ANK2: variants seen among roughly 807,000 people sequenced by gnomAD.
ANK2 encodes the protein ankyrin 2, also known as ankyrin-2.
Under a neutral mutation model 360.5 loss-of-function variants are expected in ANK2, and 83 were observed. The ratio of observed to expected loss-of-function variants is 0.23; its 90% CI spans 0.19 to 0.28. The LOEUF (loss-of-function observed/expected upper bound fraction) is 0.28. ANK2 is among the 10% of genes least tolerant of loss of function. The pLI is 1.00. For missense variants in ANK2, 4,201 were observed against 4,795.7 expected, an observed-to-expected ratio of 0.88 and a Z score of 3.66; for synonymous variants, 1,740 against 1,759.5, an observed-to-expected ratio of 0.99 and a Z score of 0.28.
At chr4:113,260,160 T>C (rs2051955142) in intron 13 of ANK2, among the ~76,000 whole-genome samples, 1 of 152,140 alleles carries the variant, frequency 6.6e-6, no homozygotes, top group Non-Finnish European at 1.5e-5. Context: ...TATAAAATGG[T>C]TGTGGAATTT....
At chr4:113,121,865 C>CT (rs1455827573) in intron 1 of ANK2, among the ~76,000 whole-genome samples, 2 of 151,836 alleles carry the variant, frequency 1.3e-5, no homozygotes, top group East Asian at 3.9e-4. Context: ...GAAATCTCCC[C>CT]CCCCACCACA....
chr4:113,103,444 G>A (rs2093206401), intron 1 of ANK2, among the ~76,000 whole-genome samples: 2 of 152,116 alleles, frequency 1.3e-5, no homozygotes, highest in Non-Finnish European at 2.9e-5. Context: ...TAAGACTGAA[G>A]ATTTCTTTTA....
At chr4:113,259,802 CTTTT>C (rs953864445) in intron 13 of ANK2, among the ~76,000 whole-genome samples, 3 of 144,388 alleles carry the variant, frequency 2.1e-5, no homozygotes, top group Admixed American at 1.4e-4. Flanking sequence ...AGATGACTAC[CTTTT>C]TTTTTCTTTT....
intron 2 of ANK2, among the ~76,000 whole-genome samples, chr4:112,921,660 A>G (rs927904770): frequency 1.1e-4 from 16 of 151,550 alleles, no homozygotes; most frequent in African/African-American, 3.9e-4. Context: ...TCAAAACTTC[A>G]AGGGAGAATT....
chr4:112,750,039 T>C, the ANK2 span, among the ~76,000 whole-genome samples: 1 of 151,402 alleles, frequency 6.6e-6, no homozygotes, highest in African/African-American at 2.4e-5. Flanking sequence ...CCACCGCTCC[T>C]GGCATCTAGC....
intron 2 of ANK2, among the ~76,000 whole-genome samples, chr4:112,931,935 C>A (rs2093280873): frequency 6.6e-6 from 1 of 152,084 alleles, no homozygotes; most frequent in Non-Finnish European, 1.5e-5. Context: ...TTTAATAGAA[C>A]ATAGGTACTG....
At chr4:113,341,644 G>GA (rs769159297) in intron 32 of ANK2, 44 bp from the exon 33 acceptor site, 1 of 1,586,418 alleles carries the variant, frequency 6.3e-7, no homozygotes. Context: ...TTTTCACATG[G>GA]TATACTTTGA....
At chr4:113,235,523 G>C (rs1254322522) in intron 5 of ANK2, among the ~76,000 whole-genome samples, 1 of 152,106 alleles carries the variant, frequency 6.6e-6, no homozygotes, top group Non-Finnish European at 1.5e-5. Context: ...TGCAGTCCTG[G>C]GTTCAAGCAA....
the ANK2 span, among the ~76,000 whole-genome samples, chr4:112,746,139 T>C: frequency 1.3e-5 from 2 of 152,194 alleles, no homozygotes; most frequent in Admixed American, 1.3e-4. Context: ...ATTACATATA[T>C]TTAGGATGAC....
At chr4:112,955,303 T>C (rs906584087) in intron 2 of ANK2, among the ~76,000 whole-genome samples, 4 of 152,126 alleles carry the variant, frequency 2.6e-5, no homozygotes, top group Admixed American at 6.5e-5. Context: ...GACATCAAAG[T>C]AACCTAGGCC....
chr4:113,026,928 G>C (rs1037732671), intron 2 of ANK2, among the ~76,000 whole-genome samples: 1 of 152,118 alleles, frequency 6.6e-6, no homozygotes. Flanking sequence ...GACTGGAGAA[G>C]GTTAAAGGGA....
intron 1 of ANK2, among the ~76,000 whole-genome samples, chr4:113,127,743 A>T (rs536567078): frequency 6.6e-6 from 1 of 152,232 alleles, no homozygotes; most frequent in East Asian, 1.9e-4. Context: ...GAAGCAAAAA[A>T]TAAGCAGGTA....
At chr4:112,881,845 A>C in intron 1 of ANK2, 1 of 915,652 alleles carries the variant, frequency 1.1e-6, no homozygotes, top group South Asian at 1.3e-5. Context: ...TTCACAGTTA[A>C]GTGGGCACCG....
chr4:113,196,252 A>T, intron 2 of ANK2, 116 bp from the exon 3 acceptor site: 1 of 764,376 alleles, frequency 1.3e-6, no homozygotes, highest in South Asian at 1.6e-5. Flanking sequence ...TGCAAAAAGG[A>T]AAAAAAAGAA....
intron 45 of ANK2, among the ~76,000 whole-genome samples, chr4:113,378,337 A>G (rs1055777806): frequency 1.3e-5 from 2 of 152,220 alleles, no homozygotes; most frequent in Non-Finnish European, 2.9e-5. Flanking sequence ...TAATGGATCT[A>G]TTGAAGTATC....
the ANK2 span, among the ~76,000 whole-genome samples, chr4:112,776,099 G>C: frequency 6.6e-6 from 1 of 152,254 alleles, no homozygotes; most frequent in African/African-American, 2.4e-5. Context: ...TTGGGGGAGT[G>C]TTCTGGTTAA....
At chr4:113,218,566 T>C (rs933377702) in intron 4 of ANK2, among the ~76,000 whole-genome samples, 1 of 152,124 alleles carries the variant, frequency 6.6e-6, no homozygotes, top group South Asian at 2.1e-4. Flanking sequence ...ACTGCTACCA[T>C]CTATATTTAT....
intron 10 of ANK2, among the ~76,000 whole-genome samples, chr4:113,255,169 C>T (rs1408033134): frequency 1.1e-4 from 17 of 152,194 alleles, no homozygotes; most frequent in Admixed American, 1.1e-3. Context: ...TTGCCTCACA[C>T]TCTTCTAGCC....
chr4:113,242,655 T>C (rs2040615244), intron 9 of ANK2, among the ~76,000 whole-genome samples: 1 of 152,364 alleles, frequency 6.6e-6, no homozygotes, highest in East Asian at 1.9e-4. Context: ...TAAGCAGCTA[T>C]GCTATACTGA....
Sources: gnomAD v4.1 joint callset for allele counts (sites outside exome capture counted in the v4.1 genomes callset) on GRCh38, gnomAD v4.1.1 for gene constraint, MANE v1.5 for transcripts, NCBI Gene and HGNC (gene_info 2026-07-23, HGNC 2026-07-21) for gene names.